ACVR1B: variants seen among roughly 807,000 people sequenced by gnomAD.
ACVR1B encodes activin A receptor type 1B.
Under a neutral mutation model 55.6 loss-of-function variants are expected in ACVR1B, and 15 were observed. The observed-to-expected ratio is 0.27, with a 90% confidence interval of 0.18 to 0.42. ACVR1B has a LOEUF of 0.42. ACVR1B is among the 10% of genes least tolerant of loss of function. The pLI is 1.00. For synonymous variants in ACVR1B, 247 were observed against 254.6 expected (o/e 0.97, Z 0.28); for missense variants, 359 against 670.1 (o/e 0.54, Z 5.13).
intron 1 of ACVR1B, among the ~76,000 whole-genome samples, chr12:51,967,981 G>GC (rs1941673904): frequency 6.6e-6 from 1 of 152,058 alleles, no homozygotes; most frequent in South Asian, 2.1e-4. Flanking sequence ...ATGCCTGTAA[G>GC]CCCAGCACTT....
chr12:51,987,577 C>G, intron 7 of ACVR1B: 1 of 178,256 alleles, frequency 5.6e-6, no homozygotes, highest in Non-Finnish European at 1.2e-5. Context: ...TCCAGGACCT[C>G]TAGAGCCCTA....
At chr12:51,961,343 G>C (rs1487597851) in intron 1 of ACVR1B, among the ~76,000 whole-genome samples, 1 of 152,018 alleles carries the variant, frequency 6.6e-6, no homozygotes, top group African/African-American at 2.4e-5. Flanking sequence ...TAAAATCCTA[G>C]GTAAATAATT....
chr12:51,986,724 C>T, intron 6 of ACVR1B, 94 bp from the exon 7 acceptor site: 1 of 1,504,256 alleles, frequency 6.6e-7, no homozygotes, highest in African/African-American at 1.4e-5. Flanking sequence ...GGGTGATACT[C>T]TTCCACATTC....
intron 1 of ACVR1B, among the ~76,000 whole-genome samples, chr12:51,962,281 C>T (rs1420384596): frequency 1.3e-5 from 2 of 152,000 alleles, no homozygotes; most frequent in South Asian, 2.1e-4. Flanking sequence ...TGTGTTTCTC[C>T]CCACCCCCCA....
chr12:51,971,376 C>T (rs1941743914), intron 1 of ACVR1B, among the ~76,000 whole-genome samples: 1 of 152,190 alleles, frequency 6.6e-6, no homozygotes, highest in South Asian at 2.1e-4. Context: ...GGCTTTTGTT[C>T]TGACCACTTC....
At chr12:51,957,047 T>G (rs2120432517) in intron 1 of ACVR1B, among the ~76,000 whole-genome samples, 1 of 152,220 alleles carries the variant, frequency 6.6e-6, no homozygotes, top group East Asian at 1.9e-4. Flanking sequence ...ATTACGGGTA[T>G]GAGCCACTGA....
intron 1 of ACVR1B, chr12:51,953,517 A>C: frequency 1.0e-6 from 1 of 984,834 alleles, no homozygotes; most frequent in Non-Finnish European, 1.2e-6. Flanking sequence ...AATGATTTGC[A>C]TGAATAAGGA....
chr12:51,972,848 C>T (rs990443961), intron 1 of ACVR1B, among the ~76,000 whole-genome samples: 4 of 151,882 alleles, frequency 2.6e-5, no homozygotes, highest in Admixed American at 6.6e-5. Flanking sequence ...TCAGAGGACC[C>T]GCAGCTCTTA....
intron 7 of ACVR1B, chr12:51,987,390 T>A (rs573269713): frequency 2.5e-5 from 11 of 440,264 alleles, no homozygotes; most frequent in African/African-American, 2.2e-4. Context: ...GTGCATAGAT[T>A]TTTCTTAAAA....
intron 8 of ACVR1B, chr12:51,992,395 G>A (rs1047587317): frequency 4.1e-6 from 1 of 242,502 alleles, no homozygotes; most frequent in Non-Finnish European, 8.0e-6. Context: ...CAGGTACTTG[G>A]GAGGCTGAGG....
At chr12:51,980,319 G>A (rs1208306333) in intron 3 of ACVR1B, among the ~76,000 whole-genome samples, 1 of 152,164 alleles carries the variant, frequency 6.6e-6, no homozygotes, top group African/African-American at 2.4e-5. Context: ...AGAGTCACTT[G>A]TGATGGTAAG....
chr12:51,994,305 T>A lies in ACVR1B; in HGVS notation c.*195T>A. The A allele has an allele frequency of 1.6e-6, 1 of 630,934 alleles. No individual in the cohort carries two copies. Among genetic ancestry groups the A allele is most frequent in the Non-Finnish European group, 2.7e-6 (1 of 376,096 alleles). The allele number at this position is 630,934 out of a possible 1,614,324, so 39.1% of individuals were successfully genotyped here. On this transcript the variant is annotated 3_prime_UTR_variant, in exon 9 of 9. Coordinates refer to ENST00000257963, the MANE Select transcript of ACVR1B (RefSeq NM_004302.5). The surrounding 1 kb of genome is among the most constrained non-coding windows in gnomAD (Gnocchi z 4.2). The stretch of plus-strand genomic sequence containing the variant: ...GTTTGAGACAGACACCTTTTCTATT[T>A]ACCTCCTAATGGCATGGAGACTCTG...
At chr12:51,993,766 A>T (rs1260480783) in intron 8 of ACVR1B, among the ~76,000 whole-genome samples, 28 of 4,508 alleles carry the variant, frequency 6.2e-3, no homozygotes, top group African/African-American at 0.016. Flanking sequence ...GACTCCTTCT[A>T]AAAAAAAAAA....
At chr12:51,982,907 A>C in intron 4 of ACVR1B, 1 of 1,247,564 alleles carries the variant, frequency 8.0e-7, no homozygotes, top group Non-Finnish European at 1.0e-6. Context: ...ACTTGTTAGC[A>C]GGGTCCTCAG....
chr12:51,959,006 C>G (rs1009366471), intron 1 of ACVR1B, among the ~76,000 whole-genome samples: 3 of 152,202 alleles, frequency 2.0e-5, no homozygotes, highest in Non-Finnish European at 4.4e-5. Flanking sequence ...ACAAAATTGC[C>G]TTCTCTCAGA....
chr12:51,974,718 C>A (rs542070321), intron 1 of ACVR1B, among the ~76,000 whole-genome samples: 1 of 152,244 alleles, frequency 6.6e-6, no homozygotes, highest in African/African-American at 2.4e-5. Context: ...ACTTGGACTT[C>A]TAAAGGCAGG....
In ACVR1B at chr12:51,995,814, CGTAT is replaced by C. The variant is rs1176431399; in HGVS notation, c.*1705_*1708del. ...CTTTGCCCTGAGGCTCAGTCTCTCTCGTATTTTGTCCCCACCCCCAATTCCTTGA... is the reference window on the plus strand; with the variant it reads ...CTTTGCCCTGAGGCTCAGTCTCTCTCTTTGTCCCCACCCCCAATTCCTTGA... On this transcript the variant is annotated 3_prime_UTR_variant, in exon 9 of 9. Coordinates refer to ENST00000257963, the MANE Select transcript of ACVR1B (RefSeq NM_004302.5). 6.6e-6 allele frequency: 1 copy of C among 152,638 alleles called. No individual in the cohort carries two copies. The highest frequency in any genetic ancestry group is 1.5e-5 in the Non-Finnish European group (1 of 68,080). The allele number at this position is 152,638 out of a possible 1,614,324, so 9.5% of individuals were successfully genotyped here.
In ACVR1B at chr12:51,975,254, A is replaced by G; in HGVS notation, c.92-11A>G. 1.9e-6 allele frequency: 3 copies of G among 1,603,822 alleles called. No homozygotes were observed. The highest frequency in any genetic ancestry group is 1.7e-6 in the Non-Finnish European group (2 of 1,174,592). On this transcript the variant is annotated splice_polypyrimidine_tract_variant and intron_variant, in intron 1 of 8. Transcript: ENST00000257963. ...CATTGATGTCAATGTCTGCTCCCCAATTTCCTGCAGCTCTGCTGTGTGCGT... is the reference window on the plus strand; with the variant it reads ...CATTGATGTCAATGTCTGCTCCCCAGTTTCCTGCAGCTCTGCTGTGTGCGT...
intron 1 of ACVR1B, among the ~76,000 whole-genome samples, chr12:51,952,883 A>C (rs1592238671): frequency 1.7e-5 from 1 of 60,066 alleles, no homozygotes. Flanking sequence ...CCACCCCCCC[A>C]CTCTCCTCTC....
Sources: allele counts gnomAD v4.1 joint callset (sites outside exome capture counted in the v4.1 genomes callset), GRCh38; gene constraint gnomAD v4.1.1; non-coding constraint Gnocchi (gnomAD v3.1); transcripts MANE v1.5; gene names NCBI Gene and HGNC (gene_info 2026-07-23, HGNC 2026-07-21).